Variants in GABRR3 observed in about 807,000 individuals in gnomAD.
GABRR3 encodes the protein gamma-aminobutyric acid receptor subunit rho-3.
A neutral mutation model predicts 43.2 loss-of-function variants in GABRR3; 29 were observed. The ratio of observed to expected loss-of-function variants is 0.67; its 90% CI spans 0.50 to 0.92. GABRR3 has a LOEUF of 0.92. Among genes scored for constraint, GABRR3 ranks in the 40% least tolerant of loss-of-function variants. GABRR3 has a pLI of 0.00. For missense variants in GABRR3, 576 were observed against 572.3 expected (o/e 1.01, Z -0.07); for synonymous variants, 206 against 195.9 (o/e 1.05, Z -0.43).
exon 5 of GABRR3, chr3:98,012,539 T>A: frequency 6.2e-7 from 1 of 1,613,904 alleles, no homozygotes; most frequent in Non-Finnish European, 8.5e-7. Context: ...TTTCCAGTAA[T>A]GCCTGAGATA....
intron 4 of GABRR3, 78 bp downstream of exon 4, chr3:98,017,577 A>T (rs1218599627): frequency 2.1e-6 from 2 of 973,152 alleles, no homozygotes; most frequent in Admixed American, 4.1e-5. Context: ...AAAATGATTT[A>T]TTAAAACACT....
intron 5 of GABRR3, among the ~76,000 whole-genome samples, chr3:98,010,100 G>A (rs1576043037): frequency 6.6e-6 from 1 of 152,190 alleles, no homozygotes; most frequent in Non-Finnish European, 1.5e-5. Flanking sequence ...TCCTGTGTTA[G>A]AGGATCTCCA....
chr3:98,030,612 C>T (rs986563617), intron 2 of GABRR3, among the ~76,000 whole-genome samples: 2 of 152,110 alleles, frequency 1.3e-5, no homozygotes, highest in African/African-American at 4.8e-5. Flanking sequence ...TTATTTGTAT[C>T]ATAAATTATC....
chr3:97,991,424 A>G (rs995028124), intron 9 of GABRR3, among the ~76,000 whole-genome samples: 2 of 152,234 alleles, frequency 1.3e-5, no homozygotes, highest in Admixed American at 1.3e-4. Flanking sequence ...ACTGCCGCAT[A>G]CTGCTCTAAC....
intron 2 of GABRR3, among the ~76,000 whole-genome samples, chr3:98,032,140 A>G (rs947354622): frequency 6.6e-6 from 1 of 151,738 alleles, no homozygotes; most frequent in Non-Finnish European, 1.5e-5. Context: ...ATACTGTAGT[A>G]TTTCTACAAT....
At chr3:98,001,411 C>A in intron 8 of GABRR3, 2 of 567,928 alleles carry the variant, frequency 3.5e-6, no homozygotes, top group Non-Finnish European at 6.3e-6. Flanking sequence ...AGACTTCATC[C>A]CTAAAATCCG....
At chr3:98,024,833 T>TC (rs1706991755) in intron 3 of GABRR3, among the ~76,000 whole-genome samples, 2 of 152,238 alleles carry the variant, frequency 1.3e-5, no homozygotes, top group Non-Finnish European at 2.9e-5. Flanking sequence ...GAAAACTTGG[T>TC]ACCCTCAGTG....
intron 6 of GABRR3, 57 bp from the exon 7 acceptor site, chr3:98,007,961 G>A: frequency 1.4e-6 from 2 of 1,402,172 alleles, no homozygotes; most frequent in Non-Finnish European, 1.9e-6. Flanking sequence ...AGCTCAATGA[G>A]TTCTATAACC....
At chr3:97,990,625 G>A (rs527591927) in intron 9 of GABRR3, among the ~76,000 whole-genome samples, 26 of 152,280 alleles carry the variant, frequency 1.7e-4, no homozygotes, top group African/African-American at 4.6e-4. Context: ...GGGATTACAG[G>A]CATGAACCAC....
intron 4 of GABRR3, among the ~76,000 whole-genome samples, chr3:98,016,239 C>T (rs753465727): frequency 6.6e-6 from 1 of 152,140 alleles, no homozygotes; most frequent in Non-Finnish European, 1.5e-5. Flanking sequence ...GTCTTGACGG[C>T]AGATCCTTCA....
chr3:98,000,198 G>C (rs910208014), intron 8 of GABRR3: 1 of 152,182 alleles, frequency 6.6e-6, no homozygotes, highest in African/African-American at 2.4e-5. Context: ...ATCAGATGTG[G>C]TTGCAAGAAG....
intron 7 of GABRR3, among the ~76,000 whole-genome samples, chr3:98,002,246 G>T (rs1474089947): frequency 6.6e-6 from 1 of 152,152 alleles, no homozygotes; most frequent in Non-Finnish European, 1.5e-5. Flanking sequence ...ATTCAAAGGA[G>T]AAAGAAAACA....
intron 8 of GABRR3, chr3:97,999,152 A>G (rs1706599808): frequency 6.6e-6 from 1 of 152,166 alleles, no homozygotes; most frequent in African/African-American, 2.4e-5. Context: ...AAAGTAAGTT[A>G]TTATTAAGAC....
intron 8 of GABRR3, among the ~76,000 whole-genome samples, chr3:97,993,416 C>A (rs1468531470): frequency 6.6e-6 from 1 of 152,136 alleles, no homozygotes; most frequent in East Asian, 1.9e-4. Context: ...TTTCCTCTAA[C>A]CTTTCCCATT....
intron 5 of GABRR3, 143 bp from the exon 6 acceptor site, chr3:98,009,181 C>A: frequency 1.8e-6 from 1 of 552,036 alleles, no homozygotes. Flanking sequence ...TATCTTCTGT[C>A]CAAATGACAT....
At chr3:98,019,428 G>C (rs752492251) in intron 3 of GABRR3, among the ~76,000 whole-genome samples, 4 of 151,882 alleles carry the variant, frequency 2.6e-5, no homozygotes, top group Non-Finnish European at 5.9e-5. Flanking sequence ...CCATGCCCTC[G>C]GTATCATTTT....
At chr3:97,986,836 G>A (rs772294883) in exon 10 of GABRR3, 26 of 1,612,484 alleles carry the variant, frequency 1.6e-5, no homozygotes, top group East Asian at 1.1e-4. Context: ...GAGATGAATC[G>A]GTGCTGGGGC....
exon 8 of GABRR3, chr3:98,001,692 G>T (rs1471049056): frequency 6.2e-7 from 1 of 1,613,298 alleles, no homozygotes; most frequent in Admixed American, 1.7e-5. Context: ...CAATATGGCT[G>T]GGAAATAGGT....
In GABRR3 at chr3:98,027,723, C is replaced by T. The variant is rs114263573; in HGVS notation, c.126-2044G>A. 7.3e-3 allele frequency among the ~76,000 whole-genome samples: 1,105 copies of T among 152,242 alleles called. 14 individuals are homozygous for T. Among genetic ancestry groups the T allele is most frequent in the African/African-American group, 0.025 (1,036 of 41,546 alleles). ...CCAAAAAGGATCTGTTGCTTAAATACGCTTTTAAAGAATTTTGAAAATCTA... is the reference window on the plus strand; with the variant it reads ...CCAAAAAGGATCTGTTGCTTAAATATGCTTTTAAAGAATTTTGAAAATCTA... On this transcript the variant is annotated intron_variant, in intron 2 of 9. Coordinates refer to ENST00000621172, the Ensembl canonical transcript of GABRR3.
Sources: gnomAD v4.1 joint callset for allele counts (sites outside exome capture counted in the v4.1 genomes callset) on GRCh38, gnomAD v4.1.1 for gene constraint, MANE v1.5 for transcripts, NCBI Gene and HGNC (gene_info 2026-07-23, HGNC 2026-07-21) for gene names.